Variants in PLCXD3 observed in about 807,000 individuals in gnomAD.
PLCXD3 encodes phosphatidylinositol specific phospholipase C X domain containing 3.
PLCXD3 carries 19 observed loss-of-function variants against 25.5 expected under a neutral mutation model. The ratio of observed to expected loss-of-function variants is 0.75; its 90% CI spans 0.52 to 1.09. PLCXD3 has a LOEUF of 1.09. Ranked by LOEUF, PLCXD3 falls within the 50% of genes least tolerant of loss-of-function variation. PLCXD3 has a pLI of 0.00. For synonymous variants in PLCXD3, 174 were observed against 137.6 expected (o/e 1.26, Z -1.85); for missense variants, 411 against 388.1 (o/e 1.06, Z -0.50).
intron 1 of PLCXD3, among the ~76,000 whole-genome samples, chr5:41,504,941 A>G (rs1227498453): frequency 6.6e-6 from 1 of 152,228 alleles, no homozygotes; most frequent in Admixed American, 6.5e-5. Flanking sequence ...TTGGACTGGT[A>G]AAGTGTAGAG....
chr5:41,374,913 A>G (rs1479634784), intron 2 of PLCXD3, among the ~76,000 whole-genome samples: 1 of 152,014 alleles, frequency 6.6e-6, no homozygotes, highest in East Asian at 1.9e-4. Context: ...AAGCCATTTG[A>G]ACAGCTGACT....
chr5:41,314,111 A>T (rs1743221215), intron 2 of PLCXD3, among the ~76,000 whole-genome samples: 1 of 152,192 alleles, frequency 6.6e-6, no homozygotes, highest in Non-Finnish European at 1.5e-5. Context: ...AAAACTACGG[A>T]TTGGGGAGGT....
rs746707438 is a variant in PLCXD3 at position 41,316,682 on chromosome 5, G to T, written c.813-2912C>A. On this transcript the variant is annotated intron_variant, in intron 2 of 2. Transcript: ENST00000377801. ...GCATCCACCAGAAGCAGACTTAAGA[G>T]ATCTTGGACCTTAAGGGAACATCAG... Among the ~76,000 whole-genome samples, 23 of 152,292 alleles carry T rather than the reference G, an allele frequency of 1.5e-4. 1 individual carries two copies. The highest frequency in any genetic ancestry group is 7.8e-4 in the Admixed American group (12 of 15,306).
At chr5:41,421,096 G>A (rs1746809131) in intron 1 of PLCXD3, among the ~76,000 whole-genome samples, 2 of 152,068 alleles carry the variant, frequency 1.3e-5, no homozygotes, top group Admixed American at 1.3e-4. Flanking sequence ...TTATTTTCTG[G>A]TAACATAAAA....
At chr5:41,316,042 C>T (rs930360320) in intron 2 of PLCXD3, among the ~76,000 whole-genome samples, 1 of 152,206 alleles carries the variant, frequency 6.6e-6, no homozygotes, top group Non-Finnish European at 1.5e-5. Context: ...CAAGGGAGTG[C>T]TGGCATCACC....
intron 1 of PLCXD3, among the ~76,000 whole-genome samples, chr5:41,505,268 A>G (rs1215842226): frequency 6.6e-6 from 1 of 152,130 alleles, no homozygotes; most frequent in Non-Finnish European, 1.5e-5. Flanking sequence ...TAGAACAATT[A>G]TAGTATCAAA....
chr5:41,458,872 G>C (rs1747812232), intron 1 of PLCXD3, among the ~76,000 whole-genome samples: 1 of 151,914 alleles, frequency 6.6e-6, no homozygotes, highest in Admixed American at 6.6e-5. Flanking sequence ...GAAATATTGA[G>C]TGATATTCTG....
At chr5:41,406,358 G>A (rs1237403296) in intron 1 of PLCXD3, among the ~76,000 whole-genome samples, 1 of 151,996 alleles carries the variant, frequency 6.6e-6, no homozygotes, top group Non-Finnish European at 1.5e-5. Flanking sequence ...TAGAGCCCCT[G>A]TGTGCCTATC....
At chr5:41,464,657 T>G (rs570261229) in intron 1 of PLCXD3, among the ~76,000 whole-genome samples, 10 of 152,204 alleles carry the variant, frequency 6.6e-5, no homozygotes, top group African/African-American at 2.2e-4. Flanking sequence ...TGGTTATTGT[T>G]TACCTTACTC....
chr5:41,377,417 G>C (rs1028522263), intron 2 of PLCXD3, among the ~76,000 whole-genome samples: 1 of 151,938 alleles, frequency 6.6e-6, no homozygotes, highest in Non-Finnish European at 1.5e-5. Flanking sequence ...ATGCATTGCT[G>C]CTTAAAAATT....
At chr5:41,387,620 G>C (rs1745677534) in intron 1 of PLCXD3, among the ~76,000 whole-genome samples, 1 of 152,060 alleles carries the variant, frequency 6.6e-6, no homozygotes, top group Admixed American at 6.6e-5. Flanking sequence ...AAGTAAGTTA[G>C]TCTCTCTGTG....
At chr5:41,462,276 A>G (rs1747903016) in intron 1 of PLCXD3, among the ~76,000 whole-genome samples, 1 of 152,060 alleles carries the variant, frequency 6.6e-6, no homozygotes, top group Non-Finnish European at 1.5e-5. Context: ...CAGATTGCCA[A>G]GAGAACAGAA....
intron 2 of PLCXD3, among the ~76,000 whole-genome samples, chr5:41,316,235 G>A (rs1743287767): frequency 6.6e-6 from 1 of 152,088 alleles, no homozygotes; most frequent in Non-Finnish European, 1.5e-5. Flanking sequence ...GCTCCCAGAT[G>A]ACATTTCTAG....
At chr5:41,465,969 C>A (rs563566270) in intron 1 of PLCXD3, among the ~76,000 whole-genome samples, 1 of 152,070 alleles carries the variant, frequency 6.6e-6, no homozygotes, top group Non-Finnish European at 1.5e-5. Flanking sequence ...TATCTAATTA[C>A]GTCATTTTTA....
intron 1 of PLCXD3, among the ~76,000 whole-genome samples, chr5:41,449,984 G>A (rs1182295693): frequency 6.6e-6 from 1 of 152,078 alleles, no homozygotes; most frequent in South Asian, 2.1e-4. Context: ...TGCTAAAGAA[G>A]ACATCAATGG....
At chr5:41,410,757 A>T (rs1362731331) in intron 1 of PLCXD3, among the ~76,000 whole-genome samples, 2 of 152,244 alleles carry the variant, frequency 1.3e-5, no homozygotes, top group African/African-American at 4.8e-5. Flanking sequence ...AACAAAAGTC[A>T]GTGCCATATA....
At chr5:41,491,501 G>C (rs905985434) in intron 1 of PLCXD3, among the ~76,000 whole-genome samples, 4 of 152,122 alleles carry the variant, frequency 2.6e-5, no homozygotes, top group African/African-American at 7.2e-5. Flanking sequence ...TTAACTTTCT[G>C]TCTGGTTGAT....
chr5:41,408,939 A>T (rs1746435437), intron 1 of PLCXD3, among the ~76,000 whole-genome samples: 1 of 152,214 alleles, frequency 6.6e-6, no homozygotes, highest in African/African-American at 2.4e-5. Context: ...AGGAAGAAAA[A>T]GAGCAGATTT....
At chr5:41,432,261 T>C (rs1391100112) in intron 1 of PLCXD3, among the ~76,000 whole-genome samples, 5 of 152,216 alleles carry the variant, frequency 3.3e-5, no homozygotes, top group Non-Finnish European at 5.9e-5. Context: ...ATAAGCTTAA[T>C]GCACAAATTG....
Sources: allele counts gnomAD v4.1 joint callset (sites outside exome capture counted in the v4.1 genomes callset), GRCh38; gene constraint gnomAD v4.1.1; transcripts MANE v1.5; gene names NCBI Gene and HGNC (gene_info 2026-07-23, HGNC 2026-07-21).